CCDC192: variants seen among roughly 807,000 people sequenced by gnomAD.
CCDC192 encodes the protein coiled-coil domain containing 192.
chr5:127,818,330 T>C (rs1749124185), intron 5 of CCDC192, among the ~76,000 whole-genome samples: 1 of 152,204 alleles, frequency 6.6e-6, no homozygotes, highest in South Asian at 2.1e-4. Flanking sequence ...TGTCATCTAA[T>C]GCAGAGGTTT....
At chr5:127,741,938 A>G (rs1322873635) in intron 2 of CCDC192, among the ~76,000 whole-genome samples, 2 of 152,220 alleles carry the variant, frequency 1.3e-5, no homozygotes, top group Non-Finnish European at 2.9e-5. Context: ...GCAGTATATT[A>G]GGAGTGAGCA....
chr5:127,753,648 C>T (rs562668351), intron 2 of CCDC192, among the ~76,000 whole-genome samples: 97 of 151,470 alleles, frequency 6.4e-4, no homozygotes, highest in African/African-American at 2.2e-3. Context: ...AGATCGTGCC[C>T]TTGCACTCGG....
intron 3 of CCDC192, 119 bp downstream of exon 3, chr5:127,754,494 T>TACAC (rs67832481): frequency 1.1e-3 from 344 of 311,700 alleles, no homozygotes; most frequent in African/African-American, 4.0e-3. Flanking sequence ...CACACACACA[T>TACAC]ACACACACAC....
chr5:127,894,738 G>C (rs1752830450), intron 6 of CCDC192, among the ~76,000 whole-genome samples: 1 of 152,156 alleles, frequency 6.6e-6, no homozygotes, highest in Non-Finnish European at 1.5e-5. Context: ...CTAAATAGCT[G>C]ACAAAAGTAA....
intron 3 of CCDC192, among the ~76,000 whole-genome samples, chr5:127,790,074 T>C (rs986036845): frequency 1.3e-5 from 2 of 152,230 alleles, no homozygotes; most frequent in African/African-American, 4.8e-5. Flanking sequence ...ACAGCATGGA[T>C]GGATCTCTGC....
chr5:127,849,190 C>T (rs568131100), intron 5 of CCDC192, among the ~76,000 whole-genome samples: 21 of 152,202 alleles, frequency 1.4e-4, no homozygotes, highest in African/African-American at 4.8e-4. Context: ...AGGTCGCATG[C>T]CACTGCACTC....
intron 6 of CCDC192, among the ~76,000 whole-genome samples, chr5:127,882,300 G>A (rs981974895): frequency 6.6e-6 from 1 of 151,980 alleles, no homozygotes. Flanking sequence ...GAGAAAGTCC[G>A]GAAATATATT....
At chr5:127,888,117 G>T (rs1320802469) in intron 6 of CCDC192, among the ~76,000 whole-genome samples, 1 of 151,718 alleles carries the variant, frequency 6.6e-6, no homozygotes, top group Non-Finnish European at 1.5e-5. Flanking sequence ...CGTATTGTTA[G>T]ATCTAAAAGT....
chr5:127,894,488 G>T (rs1315704091), intron 6 of CCDC192, among the ~76,000 whole-genome samples: 3 of 152,044 alleles, frequency 2.0e-5, no homozygotes, highest in Non-Finnish European at 2.9e-5. Context: ...ACCGCGCCTG[G>T]CCAATCCTAT....
At chr5:127,902,124 TA>T (rs1753053426) in intron 6 of CCDC192, among the ~76,000 whole-genome samples, 2 of 151,872 alleles carry the variant, frequency 1.3e-5, no homozygotes, top group Non-Finnish European at 2.9e-5. Flanking sequence ...ATACAAAAAT[TA>T]GCCAGGCATA....
At chr5:127,750,313 G>A (rs1454871768) in intron 2 of CCDC192, among the ~76,000 whole-genome samples, 2 of 152,132 alleles carry the variant, frequency 1.3e-5, no homozygotes, top group Non-Finnish European at 2.9e-5. Flanking sequence ...GGTATGTTGT[G>A]TCTTTGTTCA....
chr5:127,790,774 T>C (rs1756824184), intron 3 of CCDC192, among the ~76,000 whole-genome samples: 1 of 152,198 alleles, frequency 6.6e-6, no homozygotes, highest in African/African-American at 2.4e-5. Flanking sequence ...TAAGAGGAGA[T>C]TCAAGTTAAC....
At chr5:127,895,703 G>A (rs539429944) in intron 6 of CCDC192, among the ~76,000 whole-genome samples, 8 of 152,060 alleles carry the variant, frequency 5.3e-5, no homozygotes, top group African/African-American at 1.2e-4. Flanking sequence ...AGCCAGGCAC[G>A]GTGGTGCACA....
intron 6 of CCDC192, among the ~76,000 whole-genome samples, chr5:127,929,576 C>T (rs1484332524): frequency 6.6e-6 from 1 of 152,168 alleles, no homozygotes; most frequent in African/African-American, 2.4e-5. Flanking sequence ...CTTGTACCTC[C>T]TCTGTACAAC....
intron 2 of CCDC192, among the ~76,000 whole-genome samples, chr5:127,747,140 T>G (rs1308839773): frequency 6.6e-6 from 1 of 151,908 alleles, no homozygotes; most frequent in Non-Finnish European, 1.5e-5. Flanking sequence ...AGTTTTAGGG[T>G]ACATGTGCAC....
intron 5 of CCDC192, among the ~76,000 whole-genome samples, chr5:127,822,062 T>C (rs1257707375): frequency 6.6e-6 from 1 of 152,240 alleles, no homozygotes; most frequent in African/African-American, 2.4e-5. Context: ...TTCATGCTTT[T>C]TGCCTAAGAA....
In CCDC192 at chr5:127,866,673, A is replaced by G. The variant is rs887272381; in HGVS notation, c.412-8865A>G. Among the ~76,000 whole-genome samples, 8 of 152,090 alleles carry G rather than the reference A, an allele frequency of 5.3e-5. 1 individual carries two copies. In the East Asian group the frequency reaches 1.5e-3, roughly 29 times the overall value. The stretch of plus-strand genomic sequence containing the variant: ...GTAACATTATTAACTAATACCATGC[A>G]ACTCAGCAATTTTCAAAACATTCAC... On this transcript the variant is annotated intron_variant, in intron 5 of 6. Transcript: ENST00000514853.
intron 2 of CCDC192, among the ~76,000 whole-genome samples, chr5:127,732,010 A>G (rs554638785): frequency 6.6e-6 from 1 of 152,340 alleles, no homozygotes; most frequent in South Asian, 2.1e-4. Context: ...GGATCTAATT[A>G]AACTAAAGAG....
intron 6 of CCDC192, among the ~76,000 whole-genome samples, chr5:127,901,001 C>G (rs1425821183): frequency 6.6e-6 from 1 of 151,822 alleles, no homozygotes; most frequent in Non-Finnish European, 1.5e-5. Flanking sequence ...ACTTTTTTCC[C>G]CTGGAGAATA....
Sources: gnomAD v4.1 joint callset for allele counts (sites outside exome capture counted in the v4.1 genomes callset) on GRCh38, gnomAD v4.1.1 for gene constraint, MANE v1.5 for transcripts, NCBI Gene and HGNC (gene_info 2026-07-23, HGNC 2026-07-21) for gene names.